NKAIN3: variants seen among roughly 807,000 people sequenced by gnomAD.
NKAIN3 encodes sodium/potassium-transporting ATPase subunit beta-1-interacting protein 3.
A neutral mutation model predicts 30.2 loss-of-function variants in NKAIN3; 25 were observed. The ratio of observed to expected loss-of-function variants is 0.83; its 90% CI spans 0.60 to 1.16. The LOEUF is 1.16. Ranked by LOEUF, NKAIN3 falls within the 50% of genes most tolerant of loss-of-function variation. The pLI is 0.00. For synonymous variants in NKAIN3, 91 were observed against 89.6 expected (o/e 1.02, Z -0.09); for missense variants, 225 against 254.1 (o/e 0.89, Z 0.78).
chr8:62,702,206 G>A (rs989062732), intron 3 of NKAIN3, among the ~76,000 whole-genome samples: 1 of 152,056 alleles, frequency 6.6e-6, no homozygotes. Context: ...TTCTACAGTG[G>A]CATATGCTCA....
intron 3 of NKAIN3, among the ~76,000 whole-genome samples, chr8:62,599,913 C>A (rs1356358574): frequency 1.3e-5 from 2 of 151,932 alleles, no homozygotes. Context: ...TAAGTTATTG[C>A]TGCTTGTTTG....
chr8:62,749,636 T>G (rs1426730905), intron 4 of NKAIN3, among the ~76,000 whole-genome samples: 1 of 151,750 alleles, frequency 6.6e-6, no homozygotes, highest in African/African-American at 2.4e-5. Context: ...TCACTTATTT[T>G]ATATGATTAT....
intron 1 of NKAIN3, among the ~76,000 whole-genome samples, chr8:62,531,117 G>T (rs940792493): frequency 6.6e-6 from 1 of 151,924 alleles, no homozygotes; most frequent in African/African-American, 2.4e-5. Flanking sequence ...CACAGTCGGG[G>T]GCCTGAGAGA....
intron 1 of NKAIN3, among the ~76,000 whole-genome samples, chr8:62,574,358 A>G (rs1392012012): frequency 6.6e-6 from 1 of 152,188 alleles, no homozygotes; most frequent in Non-Finnish European, 1.5e-5. Flanking sequence ...GTGGGAGTAC[A>G]GATATCACTT....
At chr8:62,825,072 A>C (rs887245122) in intron 4 of NKAIN3, among the ~76,000 whole-genome samples, 1 of 152,202 alleles carries the variant, frequency 6.6e-6, no homozygotes, top group African/African-American at 2.4e-5. Context: ...AAAGAAAGCA[A>C]AGATTTAAGC....
At chr8:62,363,267 T>C (rs1000653061) in intron 1 of NKAIN3, among the ~76,000 whole-genome samples, 18 of 152,200 alleles carry the variant, frequency 1.2e-4, no homozygotes, top group Admixed American at 7.2e-4. Flanking sequence ...CTTCCAGGAC[T>C]TTTGATTCTC....
intron 3 of NKAIN3, 52 bp from the exon 4 acceptor site, chr8:62,746,880 C>T (rs1396544915): frequency 7.7e-6 from 10 of 1,296,926 alleles, no homozygotes; most frequent in African/African-American, 2.9e-5. Context: ...AAGTCAAAGA[C>T]GTGATGTAAT....
chr8:62,311,952 C>T (rs1028992769), intron 1 of NKAIN3, among the ~76,000 whole-genome samples: 17 of 150,326 alleles, frequency 1.1e-4, no homozygotes, highest in Non-Finnish European at 7.4e-5. Context: ...AGAAAGGAAA[C>T]TTTCAAAATA....
At chr8:62,870,144 C>G (rs1219463536) in intron 4 of NKAIN3, among the ~76,000 whole-genome samples, 1 of 141,022 alleles carries the variant, frequency 7.1e-6, no homozygotes. Context: ...AGCTTGCAGA[C>G]GACCTATTGT....
At chr8:62,437,230 A>G (rs1805198333) in intron 1 of NKAIN3, among the ~76,000 whole-genome samples, 1 of 152,218 alleles carries the variant, frequency 6.6e-6, no homozygotes, top group Admixed American at 6.5e-5. Flanking sequence ...ATCTCAAAGA[A>G]TAACCACTGA....
intron 4 of NKAIN3, among the ~76,000 whole-genome samples, chr8:62,902,205 A>G (rs1821634087): frequency 6.6e-6 from 1 of 152,206 alleles, no homozygotes; most frequent in South Asian, 2.1e-4. Context: ...TGGCACAAAT[A>G]TGCTTCCTGA....
chr8:62,877,857 A>G (rs184706652), intron 4 of NKAIN3, among the ~76,000 whole-genome samples: 210 of 152,208 alleles, frequency 1.4e-3, no homozygotes, highest in African/African-American at 4.9e-3. Flanking sequence ...CCTGACCAAC[A>G]TGAAGAAACC....
At chr8:62,556,898 A>G (rs1288502294) in intron 1 of NKAIN3, among the ~76,000 whole-genome samples, 2 of 152,084 alleles carry the variant, frequency 1.3e-5, no homozygotes, top group East Asian at 3.8e-4. Flanking sequence ...TATGTAAAAG[A>G]TATATTTATA....
chr8:62,884,237 A>G (rs1217426622), intron 4 of NKAIN3, among the ~76,000 whole-genome samples: 1 of 148,136 alleles, frequency 6.8e-6, no homozygotes, highest in Admixed American at 6.8e-5. Flanking sequence ...CTCTGCCTCT[A>G]TTTTCTGGAA....
chr8:62,414,270 A>G (rs559058065), intron 1 of NKAIN3, among the ~76,000 whole-genome samples: 4 of 152,128 alleles, frequency 2.6e-5, no homozygotes, highest in African/African-American at 9.7e-5. Context: ...TTCTGTTTCA[A>G]TGGGATTTTC....
intron 4 of NKAIN3, among the ~76,000 whole-genome samples, chr8:62,846,421 A>G (rs1308004758): frequency 6.6e-6 from 1 of 152,086 alleles, no homozygotes; most frequent in East Asian, 1.9e-4. Flanking sequence ...AGATTATTCC[A>G]TCACCTAGGT....
intron 3 of NKAIN3, among the ~76,000 whole-genome samples, chr8:62,612,803 G>A (rs964320389): frequency 2.0e-5 from 3 of 151,968 alleles, no homozygotes; most frequent in African/African-American, 4.8e-5. Context: ...AGGTTGCCAT[G>A]AGGCTTGCAA....
At chr8:62,858,471 C>G (rs192057640) in intron 4 of NKAIN3, among the ~76,000 whole-genome samples, 23 of 152,280 alleles carry the variant, frequency 1.5e-4, no homozygotes, top group African/African-American at 5.3e-4. Context: ...CTTGAACAGC[C>G]AAGGTAGTGA....
At chr8:62,254,153 CGTGTGTGTGTG>C (rs1482516261) in intron 1 of NKAIN3, among the ~76,000 whole-genome samples, 2 of 136,974 alleles carry the variant, frequency 1.5e-5, no homozygotes, top group Non-Finnish European at 1.6e-5. Flanking sequence ...GCTTGGGTAT[CGTGTGTGTGTG>C]TGTGTGTGTG....
Sources: allele counts gnomAD v4.1 joint callset (sites outside exome capture counted in the v4.1 genomes callset), GRCh38; gene constraint gnomAD v4.1.1; transcripts MANE v1.5; gene names NCBI Gene and HGNC (gene_info 2026-07-23, HGNC 2026-07-21).